The following USP29 variants were observed in gnomAD, a reference collection of about 807,000 sequenced individuals.
The protein encoded by USP29 is ubiquitin carboxyl-terminal hydrolase 29.
For missense variants in USP29, 1,102 were observed against 1,069.0 expected, an observed-to-expected ratio of 1.03 and a Z score of -0.43; for synonymous variants, 386 against 387.4, an observed-to-expected ratio of 1.00 and a Z score of 0.04.
At chr19:57,125,923 G>A (rs140098927) in intron 3 of USP29, among the ~76,000 whole-genome samples, 2,807 of 152,154 alleles carry the variant, frequency 0.018, 39 homozygotes, top group Non-Finnish European at 0.031. Flanking sequence ...TCCATATTTA[G>A]TGCTTCCTCC....
At chr19:57,128,259 C>T (rs1489004659) in intron 3 of USP29, among the ~76,000 whole-genome samples, 6 of 152,102 alleles carry the variant, frequency 3.9e-5, no homozygotes, top group African/African-American at 1.4e-4. Flanking sequence ...TTTTATGTAG[C>T]GATGAGGTCT....
Position 57,130,486 on chromosome 19 carries a change from A to G in USP29, c.1811A>G (p.Gln604Arg). 6.2e-7 allele frequency: 1 copy of G among 1,614,210 alleles called. No individual in the cohort carries two copies. Among genetic ancestry groups the G allele is most frequent in the African/African-American group, 1.3e-5 (1 of 75,056 alleles). The change falls in exon 4 of 4, where the codon CAA (glutamine) becomes CGA (arginine). Residue 604 changes from glutamine to arginine, a missense_variant. By Grantham distance (43) the Gln-to-Arg change is conservative. Transcript: ENST00000254181. ...GAACCAGACAAGAATGCCGACCTAC[A>G]AAGATTCCAGAGAGACTGTGGAGAT... ...PVEPDKNADLQRFQRDCGDAS... is the reference protein window; with the variant it reads ...PVEPDKNADLRRFQRDCGDAS...
chr19:57,125,175 T>G (rs2086817355), intron 3 of USP29, among the ~76,000 whole-genome samples: 1 of 152,152 alleles, frequency 6.6e-6, no homozygotes, highest in Admixed American at 6.5e-5. Context: ...CATGTAGTTG[T>G]GTGGTTTTTA....
chr19:57,127,904 T>C (rs2086831919), intron 3 of USP29, among the ~76,000 whole-genome samples: 1 of 152,178 alleles, frequency 6.6e-6, no homozygotes. Flanking sequence ...CCCAGGGCCC[T>C]GGTGGTGTAG....
rs2086862500 is a variant in USP29 at position 57,131,688 on chromosome 19, T to C, written c.*244T>C. ...GGTGCTCTTCACGTTTTGACGGTGG[T>C]TTTCAAAATGTTGTTCTTCAACCAG... On this transcript the variant is annotated 3_prime_UTR_variant, in exon 4 of 4. Transcript: ENST00000254181. 3.8e-6 allele frequency: 2 copies of C among 526,488 alleles called. No individual in the cohort carries two copies. The highest frequency in any genetic ancestry group is 6.3e-6 in the Non-Finnish European group (2 of 316,192). 32.6% of individuals were successfully genotyped at this position (526,488 alleles called of 1,614,324 possible). A position where few individuals can be genotyped will look rare whatever the true frequency, so the allele number is the denominator to read the frequency against.
intron 1 of USP29, among the ~76,000 whole-genome samples, chr19:57,121,900 G>A (rs1377540940): frequency 2.0e-5 from 3 of 151,558 alleles, no homozygotes; most frequent in South Asian, 4.1e-4. Context: ...GATTACTGGA[G>A]GTCAGGAGTT....
rs148805842 is a variant in USP29 at position 57,125,487 on chromosome 19, C to G, written c.-17+1348C>G. ...TATATATTTAAGATAGTTAGCTATT[C>G]TTGTTGCATTGATCCCTTTACCATT... On this transcript the variant is annotated intron_variant, in intron 3 of 3. Coordinates refer to ENST00000254181, the MANE Select transcript of USP29 (RefSeq NM_020903.3). Among the ~76,000 whole-genome samples the G allele has an allele frequency of 7.0e-4, 106 of 152,154 alleles. 1 individual carries two copies. The highest frequency in any genetic ancestry group is 2.5e-3 in the African/African-American group (104 of 41,552).
chr19:57,129,905 G>A lies in USP29; in HGVS notation c.1230G>A (p.Met410Ile). The change falls in exon 4 of 4, where the codon ATG becomes ATA. Residue 410 changes from methionine to isoleucine, a missense_variant. Physicochemically the swap from Met to Ile is conservative, Grantham distance 10. Transcript: ENST00000254181. ...ECGDENSSPQ[M>I]HVGSAATKVF... is the part of the protein sequence containing the mutation. ...GGGATGAAAATTCATCTCCACAAAT[G>A]CATGTTGGTAGTGCTGCCACCAAAG... 6.2e-7 allele frequency: 1 copy of A among 1,614,148 alleles called. No individual in the cohort carries two copies.
At position 57,129,201 on chromosome 19, in the gene USP29, G is replaced by A. The variant is rs754632293; in HGVS notation, c.526G>A (p.Asp176Asn). Residue 176 changes from aspartate to asparagine, a missense_variant, in exon 4 of 4, where the codon GAT becomes AAT. Transcript: ENST00000254181. ...GGKGQNTLSSDVQTNEDILKE... is the reference protein window; with the variant it reads ...GGKGQNTLSSNVQTNEDILKE... ...GAAGGGGCAAAACACACTATCATCT[G>A]ATGTACAGACAAATGAGGACATTCT... 1.9e-5 allele frequency: 30 copies of A among 1,612,966 alleles called. No homozygotes were observed. The highest frequency in any genetic ancestry group is 2.4e-5 in the Non-Finnish European group (28 of 1,179,530).
upstream of USP29, among the ~76,000 whole-genome samples, chr19:57,119,513 C>T (rs2086781646): frequency 6.6e-6 from 1 of 152,170 alleles, no homozygotes; most frequent in Non-Finnish European, 1.5e-5. Flanking sequence ...ACCTCCGCCT[C>T]CCGGGTTCAA....
upstream of USP29, among the ~76,000 whole-genome samples, chr19:57,119,624 C>G (rs1568453363): frequency 6.6e-6 from 1 of 152,086 alleles, no homozygotes; most frequent in African/African-American, 2.4e-5. Context: ...GGTTTCGCCA[C>G]GTTGGTCAGG....
intron 3 of USP29, among the ~76,000 whole-genome samples, chr19:57,126,455 C>A (rs1356379901): frequency 1.3e-5 from 2 of 151,994 alleles, no homozygotes; most frequent in Non-Finnish European, 2.9e-5. Context: ...TTTGTTCATT[C>A]CTTTTCATTC....
Position 57,128,836 on chromosome 19 carries a change from G to A in USP29, c.161G>A (p.Ser54Asn), listed in dbSNP as rs1260471846. 1.9e-6 allele frequency: 3 copies of A among 1,613,844 alleles called. No homozygotes were observed. Among genetic ancestry groups the A allele is most frequent in the African/African-American group, 1.3e-5 (1 of 74,902 alleles). ...SGKFIRIFQL[S>N]NNIRSVVLRH... ...AAATTTATAAGAATTTTTCAGCTGAGCAACAACATTAGAAGTGTGGTCCTT... is the reference window on the plus strand; with the variant it reads ...AAATTTATAAGAATTTTTCAGCTGAACAACAACATTAGAAGTGTGGTCCTT... Residue 54 changes from serine (S) to asparagine (N), a missense_variant, in exon 4 of 4, where the codon AGC becomes AAC. Ser to Asn is a conservative substitution (Grantham distance 46). Coordinates refer to ENST00000254181, the MANE Select transcript of USP29 (RefSeq NM_020903.3).
Position 57,131,561 on chromosome 19 carries a change from A to C in USP29, c.*117A>C. ...ACAAGTATCTCAGGATGAAATCTCA[A>C]TGAAAAACACTTATTTTGGGGGAAT... On this transcript the variant is annotated 3_prime_UTR_variant, in exon 4 of 4. Transcript: ENST00000254181. 1 of 1,448,336 alleles carries C rather than the reference A, an allele frequency of 6.9e-7. No homozygotes were observed. The highest frequency in any genetic ancestry group is 9.2e-7 in the Non-Finnish European group (1 of 1,086,570). The allele number at this position is 1,448,336 out of a possible 1,614,324, so 89.7% of individuals were successfully genotyped here. A position where few individuals can be genotyped will look rare whatever the true frequency, so the allele number is the denominator to read the frequency against.
chr19:57,129,021 G>C lies in USP29; in HGVS notation c.346G>C (p.Asp116His), dbSNP rs1299009754. 6.2e-7 allele frequency: 1 copy of C among 1,613,976 alleles called. No homozygotes were observed. Among genetic ancestry groups the C allele is most frequent in the Non-Finnish European group, 8.5e-7 (1 of 1,180,028 alleles). Residue 116 changes from aspartate to histidine, a missense_variant, in exon 4 of 4, where the codon GAT (aspartate) becomes CAT (histidine). By Grantham distance (81) the Asp-to-His change is moderately conservative (BLOSUM62 -1). Transcript: ENST00000254181. ...TCAGCAACCCATGAAATCTGATGATGATTGGAGTGTGTTTGAAAGCAGGAA... is the reference window on the plus strand; with the variant it reads ...TCAGCAACCCATGAAATCTGATGATCATTGGAGTGTGTTTGAAAGCAGGAA... ...KSQQPMKSDD[D>H]WSVFESRNML...
upstream of USP29, chr19:57,119,323 C>G (rs2086780482): frequency 6.6e-6 from 1 of 152,254 alleles, no homozygotes; most frequent in African/African-American, 2.4e-5. Context: ...GTAGGATTCA[C>G]GGGTGGCTGA....
At position 57,128,973 on chromosome 19, in the gene USP29, G is replaced by A. The variant is rs1248232789; in HGVS notation, c.298G>A (p.Asp100Asn). ...RDAKQLNMFLDIIHQNKSQQP... is the reference protein window; with the variant it reads ...RDAKQLNMFLNIIHQNKSQQP... Reference sequence around the variant, plus strand: ...TGCTAAACAGTTGAATATGTTCCTGGACATAATCCACCAAAACAAATCTCA... The same window carrying A: ...TGCTAAACAGTTGAATATGTTCCTGAACATAATCCACCAAAACAAATCTCA... The change falls in exon 4 of 4, where the codon GAC becomes AAC. Residue 100 changes from aspartate to asparagine, a missense_variant. Physicochemically the swap from Asp to Asn is conservative, Grantham distance 23 (BLOSUM62 1). Transcript: ENST00000254181. 4.3e-6 allele frequency: 7 copies of A among 1,613,926 alleles called. No individual in the cohort carries two copies. Among genetic ancestry groups the A allele is most frequent in the Non-Finnish European group, 5.1e-6 (6 of 1,179,994 alleles).
intron 1 of USP29, among the ~76,000 whole-genome samples, chr19:57,121,962 TA>T (rs2086799866): frequency 6.6e-6 from 1 of 150,682 alleles, no homozygotes; most frequent in African/African-American, 2.4e-5. Context: ...AATAGATAGA[TA>T]GATAGATAGA....
In USP29 at chr19:57,128,680, T is replaced by C. The variant is rs371622671; in HGVS notation, c.5T>C (p.Ile2Thr). 38 of 1,558,648 alleles carry C rather than the reference T, an allele frequency of 2.4e-5. No individual in the cohort carries two copies. Among genetic ancestry groups the C allele is most frequent in the Non-Finnish European group, 2.9e-5 (34 of 1,158,492 alleles). ...TTTAGGTTACATAAAGAAAGGATGA[T>C]ATCTCTAAAGGTATGTGGATTCATC... Reference protein sequence around the residue: MISLKVCGFIQI... With the variant: MTSLKVCGFIQI... The change falls in exon 4 of 4, where the codon ATA (isoleucine) becomes ACA (threonine). Residue 2 changes from isoleucine (I) to threonine (T), a missense_variant. Coordinates refer to ENST00000254181, the MANE Select transcript of USP29 (RefSeq NM_020903.3).
Sources: allele counts gnomAD v4.1 joint callset (sites outside exome capture counted in the v4.1 genomes callset), GRCh38; gene constraint gnomAD v4.1.1; transcripts MANE v1.5; gene names NCBI Gene and HGNC (gene_info 2026-07-23, HGNC 2026-07-21).